The following AMZ1 variants were observed in gnomAD, a reference collection of about 807,000 sequenced individuals.
The protein encoded by AMZ1 is archaemetzincin-1.
A neutral mutation model predicts 29.9 loss-of-function variants in AMZ1; 39 were observed. The ratio of observed to expected loss-of-function variants is 1.30; its 90% confidence interval spans 1.01 to 1.70. AMZ1 has a LOEUF of 1.70. Among genes scored for constraint, AMZ1 ranks in the 40% most tolerant of loss-of-function variants. AMZ1 has a pLI of 0.00. For synonymous variants in AMZ1, 458 were observed against 304.0 expected, an observed-to-expected ratio of 1.51 and a Z score of -5.27; for missense variants, 1,041 against 680.6, an observed-to-expected ratio of 1.53 and a Z score of -5.89.
At chr7:2,764,010 T>C (rs953336794), upstream of AMZ1, among the ~76,000 whole-genome samples, 2 of 152,234 alleles carry the variant, frequency 1.3e-5, no homozygotes, top group Non-Finnish European at 2.9e-5. Flanking sequence ...GAGGCTTGCC[T>C]ATACTTTCTA....
chr7:2,753,866 C>A (rs1791155057), intron 4 of AMZ1, among the ~76,000 whole-genome samples: 1 of 152,068 alleles, frequency 6.6e-6, no homozygotes, highest in East Asian at 1.9e-4. Context: ...GGTTTAGGAA[C>A]AATCTGTTCC....
intron 1 of AMZ1, among the ~76,000 whole-genome samples, chr7:2,688,546 C>T (rs1401540978): frequency 1.3e-5 from 2 of 152,246 alleles, no homozygotes; most frequent in Non-Finnish European, 1.5e-5. Context: ...AAGGCCGGGC[C>T]AGGGAAGGGC....
At chr7:2,694,817 C>T (rs954464808) in intron 1 of AMZ1, among the ~76,000 whole-genome samples, 1 of 152,026 alleles carries the variant, frequency 6.6e-6, no homozygotes. Flanking sequence ...GGATTACAGG[C>T]ATGTGCCACC....
rs185790388 is a variant in AMZ1, at chr7:2,718,016, C to T, written c.*5138C>T. Among the ~76,000 whole-genome samples, 591 of 152,342 alleles carry T rather than the reference C, an allele frequency of 3.9e-3. 16 individuals carry two copies. Among genetic ancestry groups the T allele is most frequent in the Admixed American group, 0.036 (549 of 15,310 alleles). On this transcript the variant is annotated 3_prime_UTR_variant, in exon 7 of 7. Transcript: ENST00000683327. The stretch of plus-strand genomic sequence containing the variant: ...CCTCCCCCGGCGGCTCCACAATGGC[C>T]CTCAGAGGGTCCGCGGCAGCCAGGC...
chr7:2,700,340 G>C lies in AMZ1; in HGVS notation c.-112G>C. The C allele has an allele frequency of 7.8e-7, 1 of 1,277,204 alleles. No individual in the cohort carries two copies. Among genetic ancestry groups the C allele is most frequent in the Non-Finnish European group, 1.1e-6 (1 of 940,920 alleles). The allele number at this position is 1,277,204 out of a possible 1,614,324, so 79.1% of individuals were successfully genotyped here. On this transcript the variant is annotated 5_prime_UTR_variant, in exon 2 of 7. Coordinates refer to ENST00000683327, the MANE Select transcript of AMZ1 (RefSeq NM_001384743.1). ...GTCTGTCTGCAGGGAGCCCCCGGTA[G>C]CCACTCGGATCAGCCCGAGGGAAGA...
chr7:2,699,537 C>T (rs1044059691), intron 1 of AMZ1, among the ~76,000 whole-genome samples: 12 of 152,156 alleles, frequency 7.9e-5, no homozygotes, highest in Admixed American at 2.0e-4. Context: ...CCCCGCCCCC[C>T]CCCAAACATA....
In AMZ1 at chr7:2,702,862, G is replaced by A. The variant is rs1257546420; in HGVS notation, c.445G>A (p.Asp149Asn). The A allele has an allele frequency of 6.3e-7, 1 of 1,588,070 alleles. No homozygotes were observed. The highest frequency in any genetic ancestry group is 1.1e-5 in the South Asian group (1 of 87,920). Residue 149 changes from aspartate to asparagine, a missense_variant, in exon 3 of 7, where the codon GAC (aspartate) becomes AAC (asparagine). Coordinates refer to ENST00000683327, the MANE Select transcript of AMZ1 (RefSeq NM_001384743.1). The part of the protein sequence containing the change: ...SIRCSSRPSR[D>N]SDRLQLHTDG... ...CCGCTGCTCCTCGCGGCCCAGCCGGGACTCTGACAGGCTCCAGCTCCACAC... is the reference window on the plus strand; with the variant it reads ...CCGCTGCTCCTCGCGGCCCAGCCGGAACTCTGACAGGCTCCAGCTCCACAC...
chr7:2,727,428 G>A (rs1000309060), intron 4 of AMZ1, among the ~76,000 whole-genome samples: 3 of 152,096 alleles, frequency 2.0e-5, no homozygotes, highest in Non-Finnish European at 2.9e-5. Context: ...CCAGGGTGGA[G>A]TGCAGAGTGC....
At chr7:2,759,944 G>A (rs773671367), upstream of AMZ1, among the ~76,000 whole-genome samples, 1 of 152,214 alleles carries the variant, frequency 6.6e-6, no homozygotes, top group Non-Finnish European at 1.5e-5. Context: ...TGCCAAGCAG[G>A]CTGTGTAGGC....
At chr7:2,695,137 G>C (rs1268841345) in intron 1 of AMZ1, among the ~76,000 whole-genome samples, 1 of 152,176 alleles carries the variant, frequency 6.6e-6, no homozygotes, top group Non-Finnish European at 1.5e-5. Context: ...CCCGCTGCAA[G>C]ACTTGCCCAC....
chr7:2,715,259 G>A lies in AMZ1; in HGVS notation c.*2381G>A, dbSNP rs1180440440. ...GGAGGGGACGTGGCAGGGAATGTGA[G>A]ACAACACAATATTGCTGTGGCCATT... is the stretch of plus-strand genomic sequence containing the variant. On this transcript the variant is annotated 3_prime_UTR_variant, in exon 7 of 7. Transcript: ENST00000683327. 6.6e-6 allele frequency: 1 copy of A among 152,378 alleles called. No homozygotes were observed. The highest frequency in any genetic ancestry group is 2.4e-5 in the African/African-American group (1 of 41,452). The allele number at this position is 152,378 out of a possible 1,614,324, so 9.4% of individuals were successfully genotyped here.
At chr7:2,680,653 T>C (rs61288724) in intron 1 of AMZ1, among the ~76,000 whole-genome samples, 6,581 of 152,332 alleles carry the variant, frequency 0.043, 471 homozygotes, top group African/African-American at 0.15. Flanking sequence ...TCTTGGCTGC[T>C]TCAGGCCAGC....
At position 2,712,382 on chromosome 7, in the gene AMZ1, C is replaced by A. The variant is rs368393238; in HGVS notation, c.1001C>A (p.Ala334Glu). 3.1e-6 allele frequency: 5 copies of A among 1,607,072 alleles called. No individual in the cohort carries two copies. Among genetic ancestry groups the A allele is most frequent in the Non-Finnish European group, 8.5e-7 (1 of 1,177,012 alleles). The change falls in exon 7 of 7, where the codon GCG (alanine) becomes GAG (glutamate). Residue 334 changes from alanine to glutamate, a missense_variant. Transcript: ENST00000683327. Reference protein sequence around the residue: ...AVVGTWPSQEAGEPSVWEDTP... With the variant: ...AVVGTWPSQEEGEPSVWEDTP... Reference sequence around the variant, plus strand: ...GTGGGGACGTGGCCCAGCCAGGAGGCGGGGGAGCCGTCAGTGTGGGAGGAC... The same window carrying A: ...GTGGGGACGTGGCCCAGCCAGGAGGAGGGGGAGCCGTCAGTGTGGGAGGAC...
chr7:2,755,784 T>G (rs1791264972), intron 4 of AMZ1, among the ~76,000 whole-genome samples: 2 of 152,230 alleles, frequency 1.3e-5, no homozygotes, highest in African/African-American at 4.8e-5. Context: ...TGTGAAAAAT[T>G]TCTTTACTGA....
At chr7:2,736,512 G>A (rs1054312786) in intron 4 of AMZ1, among the ~76,000 whole-genome samples, 40 of 152,312 alleles carry the variant, frequency 2.6e-4, no homozygotes, top group African/African-American at 9.6e-4. Context: ...ACCTGAGCAG[G>A]GGCTGGTGGC....
chr7:2,749,106 T>C (rs969897902), intron 4 of AMZ1, among the ~76,000 whole-genome samples: 22 of 152,182 alleles, frequency 1.4e-4, no homozygotes, highest in Non-Finnish European at 2.8e-4. Context: ...AGTGTGGCGA[T>C]TCCTCAGGGA....
In AMZ1 at chr7:2,719,599, A is replaced by G. The variant is rs1789332778; in HGVS notation, c.*6721A>G. On this transcript the variant is annotated 3_prime_UTR_variant, in exon 7 of 7. Coordinates refer to ENST00000683327, the MANE Select transcript of AMZ1 (RefSeq NM_001384743.1). ...AATGACTGATGGACGACTTTGATATACAAAATAAATTGTTACTCAGCTTTT... is the reference window on the plus strand; with the variant it reads ...AATGACTGATGGACGACTTTGATATGCAAAATAAATTGTTACTCAGCTTTT... 6.6e-6 allele frequency among the ~76,000 whole-genome samples: 1 copy of G among 152,382 alleles called. No homozygotes were observed. Among genetic ancestry groups the G allele is most frequent in the South Asian group, 2.1e-4 (1 of 4,832 alleles).
intron 3 of AMZ1, among the ~76,000 whole-genome samples, chr7:2,704,919 C>G (rs985993425): frequency 5.4e-4 from 82 of 152,216 alleles, no homozygotes; most frequent in African/African-American, 1.9e-3. Flanking sequence ...TTATAGGTCT[C>G]AGTTGCCTAT....
At chr7:2,762,594 A>C, upstream of AMZ1, 1 of 1,506,376 alleles carries the variant, frequency 6.6e-7, no homozygotes, top group Non-Finnish European at 8.9e-7. Flanking sequence ...TTACAAACCC[A>C]AAAAAGGACA....
Sources: allele counts gnomAD v4.1 joint callset (sites outside exome capture counted in the v4.1 genomes callset), GRCh38; gene constraint gnomAD v4.1.1; transcripts MANE v1.5; gene names NCBI Gene and HGNC (gene_info 2026-07-23, HGNC 2026-07-21).